Variants in PTPRC observed in about 807,000 individuals in gnomAD.
PTPRC encodes the protein receptor-type tyrosine-protein phosphatase C.
PTPRC carries 44 observed loss-of-function variants against 155.9 expected under a neutral mutation model. That is an observed-to-expected ratio of 0.28 (90% CI 0.22 to 0.36). The LOEUF (loss-of-function observed/expected upper bound fraction) is 0.36. Among genes scored for constraint, PTPRC ranks in the 10% least tolerant of loss-of-function variants. The pLI, the probability that PTPRC is intolerant of heterozygous loss-of-function variation, is 1.00. For synonymous variants in PTPRC, 525 were observed against 533.1 expected, an observed-to-expected ratio of 0.98 and a Z score of 0.21; for missense variants, 1,401 against 1,564.6, an observed-to-expected ratio of 0.90 and a Z score of 1.76.
intron 2 of PTPRC, among the ~76,000 whole-genome samples, chr1:198,669,830 T>A (rs185126304): frequency 5.5e-4 from 83 of 152,290 alleles, no homozygotes; most frequent in Middle Eastern, 3.4e-3. Flanking sequence ...GATGGAGTCA[T>A]TTTTTTCAAA....
intron 2 of PTPRC, among the ~76,000 whole-genome samples, chr1:198,665,263 T>C (rs906608477): frequency 1.4e-5 from 2 of 138,662 alleles, no homozygotes; most frequent in African/African-American, 5.4e-5. Flanking sequence ...CTAATTTTTC[T>C]TTTTTTTTTT....
At chr1:198,652,903 A>G (rs978372590) in intron 2 of PTPRC, among the ~76,000 whole-genome samples, 4 of 151,862 alleles carry the variant, frequency 2.6e-5, no homozygotes, top group Non-Finnish European at 5.9e-5. Flanking sequence ...ACTATTGGGA[A>G]TGGCTACTGA....
intron 2 of PTPRC, among the ~76,000 whole-genome samples, chr1:198,643,414 G>A (rs1348141783): frequency 6.6e-6 from 1 of 151,862 alleles, no homozygotes; most frequent in African/African-American, 2.4e-5. Context: ...CAAAAAGAGG[G>A]AGAATATGAG....
At chr1:198,641,165 G>T (rs1299574811) in intron 2 of PTPRC, among the ~76,000 whole-genome samples, 1 of 151,874 alleles carries the variant, frequency 6.6e-6, no homozygotes, top group Non-Finnish European at 1.5e-5. Flanking sequence ...GACTCCCTGA[G>T]ATATATGCTT....
chr1:198,639,297 T>G lies in PTPRC; in HGVS notation c.29T>G (p.Leu10Trp). Residue 10 changes from leucine (L) to tryptophan (W), a missense_variant, in exon 2 of 33, where the codon TTG becomes TGG. By Grantham distance (61) the Leu-to-Trp change is moderately conservative. This residue lies in a region of PTPRC where 867 missense variants were observed against 970.4 expected (regional missense o/e 0.89). Coordinates refer to ENST00000442510, the MANE Select transcript of PTPRC (RefSeq NM_002838.5). ...ACCATGTATTTGTGGCTTAAACTCT[T>G]GGCATTTGGCTTTGCCTTTCTGGAC... is the stretch of plus-strand genomic sequence containing the variant. The part of the protein sequence containing the change: MTMYLWLKL[L>W]AFGFAFLDTE... The G allele has an allele frequency of 1.2e-6, 2 of 1,613,492 alleles. No individual in the cohort carries two copies. Among genetic ancestry groups the G allele is most frequent in the South Asian group, 1.1e-5 (1 of 91,074 alleles).
chr1:198,685,815 T>C (rs1665589714), intron 2 of PTPRC, among the ~76,000 whole-genome samples: 1 of 152,108 alleles, frequency 6.6e-6, no homozygotes, highest in Non-Finnish European at 1.5e-5. Flanking sequence ...AAACATGCTA[T>C]CATTCATTTT....
chr1:198,748,089 G>GTTTTTTT lies in PTPRC; in HGVS notation c.2848-10_2848-4dup. ...ATTTACATTTTAAAGGAGTTTTTCT[G>GTTTTTTT]TTTTTTTTTTTTTTTTCAGAGACTT... is the stretch of plus-strand genomic sequence containing the variant. On this transcript the variant is annotated intron_variant, in intron 26 of 32. Transcript: ENST00000442510. 1 of 1,473,236 alleles carries GTTTTTTT rather than the reference G, an allele frequency of 6.8e-7. No individual in the cohort carries two copies. Among genetic ancestry groups the GTTTTTTT allele is most frequent in the Non-Finnish European group, 9.1e-7 (1 of 1,096,944 alleles). 91.3% of individuals were successfully genotyped at this position (1,473,236 alleles called of 1,614,324 possible).
In PTPRC at chr1:198,720,456, A is replaced by G. The variant is rs995996157; in HGVS notation, c.1660-1960A>G. Among the ~76,000 whole-genome samples, 9 of 152,142 alleles carry G rather than the reference A, an allele frequency of 5.9e-5. No homozygotes were observed. The South Asian group carries it at 1.2e-3, about 21-fold the overall frequency. Reference sequence around the variant, plus strand: ...GCGATTCTCCTGCCTCAGCCTCCCAAGAAGCTGGGATTACAGGCATGCACC... The same window carrying G: ...GCGATTCTCCTGCCTCAGCCTCCCAGGAAGCTGGGATTACAGGCATGCACC... On this transcript the variant is annotated intron_variant, in intron 14 of 32. Coordinates refer to ENST00000442510, the MANE Select transcript of PTPRC (RefSeq NM_002838.5).
Position 198,748,234 on chromosome 1 carries a change from T to TAA in PTPRC, c.2938+37_2938+38dup, listed in dbSNP as rs745938844. 73 of 1,575,422 alleles carry TAA rather than the reference T, an allele frequency of 4.6e-5. No individual in the cohort carries two copies. The African/African-American group carries it at 7.9e-4, about 17-fold the overall frequency. ...TTATTTTTTTATTTTTTGTATCAGA[T>TAA]AAAGTTAAGCTCTTTTGGATTTGTT... On this transcript the variant is annotated intron_variant, in intron 27 of 32. Coordinates refer to ENST00000442510, the MANE Select transcript of PTPRC (RefSeq NM_002838.5).
intron 2 of PTPRC, among the ~76,000 whole-genome samples, chr1:198,687,784 TG>T (rs1665713494): frequency 6.6e-6 from 1 of 152,154 alleles, no homozygotes; most frequent in African/African-American, 2.4e-5. Flanking sequence ...ATTGATATGT[TG>T]CTTTAAGTTG....
chr1:198,713,842 C>T lies in PTPRC; in HGVS notation c.1291+770C>T, dbSNP rs532942962. Among the ~76,000 whole-genome samples, 3 of 152,258 alleles carry T rather than the reference C, an allele frequency of 2.0e-5. No homozygotes were observed. The East Asian group carries it at 5.8e-4, about 29-fold the overall frequency. On this transcript the variant is annotated intron_variant, in intron 12 of 32. Transcript: ENST00000442510. ...CCTCATAGAATTCTGTCACTCTGTG[C>T]TGTGGGGAAGGAACCAGACATACAC...
At chr1:198,748,085 TTC>T (rs1207023594) in intron 26 of PTPRC, 22 bp from the exon 27 acceptor site, 7 of 1,571,606 alleles carry the variant, frequency 4.5e-6, no homozygotes, top group East Asian at 2.3e-5. Flanking sequence ...AAAGGAGTTT[TTC>T]TGTTTTTTTT....
chr1:198,658,731 G>T (rs973500153), intron 2 of PTPRC, among the ~76,000 whole-genome samples: 2 of 151,964 alleles, frequency 1.3e-5, no homozygotes, highest in Non-Finnish European at 2.9e-5. Flanking sequence ...TGATGGAATT[G>T]CACTTCTGTT....
intron 2 of PTPRC, among the ~76,000 whole-genome samples, chr1:198,670,984 G>T (rs1266933554): frequency 1.3e-5 from 2 of 151,992 alleles, no homozygotes; most frequent in African/African-American, 2.4e-5. Flanking sequence ...TAAGGTATAT[G>T]GGAAAATATA....
intron 15 of PTPRC, among the ~76,000 whole-genome samples, chr1:198,722,766 C>T (rs996375828): frequency 6.6e-6 from 1 of 151,462 alleles, no homozygotes; most frequent in Admixed American, 6.6e-5. Flanking sequence ...TATGAAATAT[C>T]GTCATGTTAG....
intron 2 of PTPRC, among the ~76,000 whole-genome samples, chr1:198,649,394 G>T (rs1663117722): frequency 6.6e-6 from 1 of 151,846 alleles, no homozygotes; most frequent in South Asian, 2.1e-4. Flanking sequence ...TGAAGCATAA[G>T]ACATCAGTTG....
At chr1:198,686,287 GCT>G (rs895619599) in intron 2 of PTPRC, among the ~76,000 whole-genome samples, 3 of 152,012 alleles carry the variant, frequency 2.0e-5, no homozygotes, top group Admixed American at 1.3e-4. Context: ...GGGAAAAAGA[GCT>G]CTTAGATAAT....
Position 198,756,482 on chromosome 1 carries a change from AAGAG to A in PTPRC, c.*307_*310del, listed in dbSNP as rs564629025. On this transcript the variant is annotated 3_prime_UTR_variant, in exon 33 of 33. Transcript: ENST00000442510. ...TGTGTGTTTGTGTGAGAGACAGAGAAAGAGAGAGAATTCTTTCAAGTGAATCTAA... is the reference window on the plus strand; with the variant it reads ...TGTGTGTTTGTGTGAGAGACAGAGAAAGAGAATTCTTTCAAGTGAATCTAA... 4.9e-4 allele frequency: 124 copies of A among 254,682 alleles called. No homozygotes were observed. In the South Asian group the frequency reaches 7.7e-3, roughly 16 times the overall value. The allele number at this position is 254,682 out of a possible 1,614,324, so 15.8% of individuals were successfully genotyped here.
intron 29 of PTPRC, among the ~76,000 whole-genome samples, chr1:198,751,701 A>G (rs1286787398): frequency 6.6e-6 from 1 of 152,032 alleles, no homozygotes; most frequent in Admixed American, 6.6e-5. Flanking sequence ...GTTTGTAGTA[A>G]GAAGAAACAC....
Sources: gnomAD v4.1 joint callset for allele counts (sites outside exome capture counted in the v4.1 genomes callset) on GRCh38, gnomAD v4.1.1 for gene constraint, gnomAD v4.1.1 regional missense constraint, MANE v1.5 for transcripts, NCBI Gene and HGNC (gene_info 2026-07-23, HGNC 2026-07-21) for gene names.